The following KCNJ3 variants were observed in gnomAD, a reference collection of about 807,000 sequenced individuals.
The protein encoded by KCNJ3 is G protein-activated inward rectifier potassium channel 1.
KCNJ3 carries 4 observed loss-of-function variants against 39.2 expected under a neutral mutation model. That is an observed-to-expected ratio of 0.10 (90% CI 0.05 to 0.23). The LOEUF (loss-of-function observed/expected upper bound fraction) is 0.23. Ranked by LOEUF, KCNJ3 falls within the 10% of genes least tolerant of loss-of-function variation. KCNJ3 has a pLI of 1.00. For synonymous variants in KCNJ3, 230 were observed against 237.4 expected (o/e 0.97, Z 0.29); for missense variants, 276 against 634.9 (o/e 0.43, Z 6.08).
chr2:154,812,157 A>C (rs1687017506), intron 2 of KCNJ3, among the ~76,000 whole-genome samples: 1 of 152,198 alleles, frequency 6.6e-6, no homozygotes, highest in Admixed American at 6.6e-5. Flanking sequence ...TATTCCTTTG[A>C]TAAATGCTTA....
At chr2:154,811,246 G>A (rs1249124682) in intron 2 of KCNJ3, among the ~76,000 whole-genome samples, 5 of 152,130 alleles carry the variant, frequency 3.3e-5, no homozygotes, top group Admixed American at 2.0e-4. Context: ...AGAGGGCTAG[G>A]AGACGTGGCA....
At chr2:154,835,980 G>A (rs1558886572) in intron 2 of KCNJ3, among the ~76,000 whole-genome samples, 1 of 152,102 alleles carries the variant, frequency 6.6e-6, no homozygotes, top group Non-Finnish European at 1.5e-5. Context: ...GGAGGCCGAG[G>A]CAGGTTGGTC....
At chr2:154,747,409 C>T (rs1291478768) in intron 2 of KCNJ3, among the ~76,000 whole-genome samples, 1 of 151,892 alleles carries the variant, frequency 6.6e-6, no homozygotes, top group Non-Finnish European at 1.5e-5. Context: ...TGCTTATATA[C>T]ATATTTATAA....
At chr2:154,828,708 G>T (rs945073456) in intron 2 of KCNJ3, among the ~76,000 whole-genome samples, 1 of 151,978 alleles carries the variant, frequency 6.6e-6, no homozygotes, top group African/African-American at 2.4e-5. Flanking sequence ...CTTTGGCAGG[G>T]GTGATAAATC....
chr2:154,708,765 A>G (rs551891488), intron 1 of KCNJ3, among the ~76,000 whole-genome samples: 4 of 152,198 alleles, frequency 2.6e-5, no homozygotes, highest in Non-Finnish European at 5.9e-5. Context: ...CCTAGCATGC[A>G]AGCAATTTAC....
intron 2 of KCNJ3, among the ~76,000 whole-genome samples, chr2:154,819,471 G>GT (rs1013622616): frequency 1.1e-4 from 17 of 151,804 alleles, no homozygotes; most frequent in African/African-American, 3.6e-4. Context: ...ATACTTCTGT[G>GT]TTTTTCAAAT....
intron 1 of KCNJ3, among the ~76,000 whole-genome samples, chr2:154,703,483 G>A (rs911900141): frequency 4.8e-5 from 7 of 146,838 alleles, no homozygotes; most frequent in Admixed American, 2.7e-4. Flanking sequence ...ATATATATGT[G>A]TGTGTGTGTG....
intron 2 of KCNJ3, among the ~76,000 whole-genome samples, chr2:154,795,349 G>T (rs1182891159): frequency 6.6e-6 from 1 of 151,848 alleles, no homozygotes; most frequent in Non-Finnish European, 1.5e-5. Context: ...TATTAAAAAT[G>T]TTGATTTCGC....
At position 154,698,886 on chromosome 2, in the gene KCNJ3, T is replaced by A. The variant is rs1252369531; in HGVS notation, c.111T>A (p.Leu37=). The A allele has an allele frequency of 9.3e-6, 15 of 1,614,158 alleles. No individual in the cohort carries two copies. The highest frequency in any genetic ancestry group is 1.3e-5 in the Non-Finnish European group (15 of 1,180,036). Residue 37 remains leucine, a synonymous_variant, in exon 1 of 3, where the codon CTT becomes CTA. Transcript: ENST00000295101. The part of the protein sequence containing the change: ...QGPGQDPQQQ[L]VPKKKRQRFV... ...CAGGCCAGGACCCTCAGCAGCAGCTTGTGCCCAAGAAGAAGCGGCAGCGGT... is the reference window on the plus strand; with the variant it reads ...CAGGCCAGGACCCTCAGCAGCAGCTAGTGCCCAAGAAGAAGCGGCAGCGGT...
At chr2:154,787,617 A>G (rs572740612) in intron 2 of KCNJ3, among the ~76,000 whole-genome samples, 1 of 152,002 alleles carries the variant, frequency 6.6e-6, no homozygotes, top group Non-Finnish European at 1.5e-5. Context: ...TTCTCACAAC[A>G]AGTAGCAATT....
At chr2:154,810,452 A>C (rs1156559376) in intron 2 of KCNJ3, among the ~76,000 whole-genome samples, 1 of 152,256 alleles carries the variant, frequency 6.6e-6, no homozygotes, top group East Asian at 1.9e-4. Flanking sequence ...TTTGGAAAAC[A>C]TTTCCTACTA....
At chr2:154,837,113 A>G (rs989540981) in intron 2 of KCNJ3, among the ~76,000 whole-genome samples, 2 of 152,184 alleles carry the variant, frequency 1.3e-5, no homozygotes, top group African/African-American at 2.4e-5. Context: ...TAATTATTCT[A>G]TGGTTTAATG....
intron 2 of KCNJ3, among the ~76,000 whole-genome samples, chr2:154,717,880 C>T (rs933252713): frequency 3.9e-5 from 6 of 152,078 alleles, no homozygotes; most frequent in Non-Finnish European, 7.4e-5. Context: ...CAGCAAACTA[C>T]GTAGTGTTAT....
chr2:154,852,190 A>G (rs1687767484), intron 2 of KCNJ3, among the ~76,000 whole-genome samples: 1 of 152,188 alleles, frequency 6.6e-6, no homozygotes, highest in Non-Finnish European at 1.5e-5. Context: ...ATCAATTTTC[A>G]ATGATTGAAG....
At chr2:154,716,801 T>C (rs185404503) in intron 2 of KCNJ3, among the ~76,000 whole-genome samples, 1 of 152,340 alleles carries the variant, frequency 6.6e-6, no homozygotes, top group Non-Finnish European at 1.5e-5. Context: ...TGTTTGTTTT[T>C]ATTTGTAACT....
chr2:154,774,365 A>G (rs894551932), intron 2 of KCNJ3, among the ~76,000 whole-genome samples: 1 of 146,654 alleles, frequency 6.8e-6, no homozygotes, highest in African/African-American at 2.5e-5. Context: ...ATGCTCATTT[A>G]CCTTTTCATC....
intron 2 of KCNJ3, among the ~76,000 whole-genome samples, chr2:154,798,186 C>CCG (rs1439708382): frequency 3.1e-5 from 4 of 130,056 alleles, no homozygotes; most frequent in African/African-American, 1.2e-4. Context: ...CATTCGAACA[C>CCG]CGCACACACA....
intron 2 of KCNJ3, among the ~76,000 whole-genome samples, chr2:154,779,479 ATATATATGTTATATATATTT>A (rs1212655613): frequency 9.6e-5 from 14 of 145,752 alleles, no homozygotes; most frequent in East Asian, 5.9e-4. Context: ...TATATATTAT[ATATATATGTTATATATATTT>A]TATATATGTT....
intron 2 of KCNJ3, among the ~76,000 whole-genome samples, chr2:154,778,095 T>C (rs1574458882): frequency 6.6e-6 from 1 of 150,596 alleles, no homozygotes; most frequent in South Asian, 2.1e-4. Context: ...GTAATACTTA[T>C]AACATTGTGT....
Sources: gnomAD v4.1 joint callset for allele counts (sites outside exome capture counted in the v4.1 genomes callset) on GRCh38, gnomAD v4.1.1 for gene constraint, MANE v1.5 for transcripts, NCBI Gene and HGNC (gene_info 2026-07-23, HGNC 2026-07-21) for gene names.